The following SHQ1 variants were observed in gnomAD, a reference collection of about 807,000 sequenced individuals.
SHQ1 encodes SHQ1, H/ACA ribonucleoprotein assembly factor, also known as protein SHQ1 homolog.
SHQ1 carries 49 observed loss-of-function variants against 53.8 expected under a neutral mutation model. The observed-to-expected ratio is 0.91, with a 90% CI of 0.72 to 1.16. The LOEUF (loss-of-function observed/expected upper bound fraction) is 1.16. Ranked by LOEUF, SHQ1 falls within the 50% of genes most tolerant of loss-of-function variation. The probability of loss-of-function intolerance (pLI) is 0.00; values close to 1 mark genes in which losing one functional copy is unlikely to be tolerated. For missense variants in SHQ1, 738 were observed against 683.1 expected (o/e 1.08, Z -0.90); for synonymous variants, 243 against 251.0 (o/e 0.97, Z 0.30).
intron 10 of SHQ1, among the ~76,000 whole-genome samples, chr3:72,751,888 G>A (rs1004827588): frequency 1.3e-5 from 2 of 151,796 alleles, no homozygotes; most frequent in African/African-American, 4.8e-5. Flanking sequence ...TATATACCCT[G>A]GACCCAGCAA....
At chr3:72,794,881 A>C (rs1008318836) in intron 9 of SHQ1, 1 of 152,168 alleles carries the variant, frequency 6.6e-6, no homozygotes, top group African/African-American at 2.4e-5. Context: ...CAAAATGGGG[A>C]AAGTCCTCCC....
chr3:72,730,536 TCTG>T, the SHQ1 span, among the ~76,000 whole-genome samples: 2 of 152,198 alleles, frequency 1.3e-5, no homozygotes, highest in Non-Finnish European at 2.9e-5. Flanking sequence ...TTAAAATGCC[TCTG>T]CTGTAGGGCC....
intron 10 of SHQ1, among the ~76,000 whole-genome samples, chr3:72,771,689 C>T (rs534552341): frequency 6.6e-6 from 1 of 152,210 alleles, no homozygotes; most frequent in Non-Finnish European, 1.5e-5. Context: ...CAAAAAGAGA[C>T]CAAGATGGAC....
intron 5 of SHQ1, among the ~76,000 whole-genome samples, chr3:72,825,327 G>A (rs1344536610): frequency 1.3e-5 from 2 of 148,536 alleles, no homozygotes; most frequent in Non-Finnish European, 3.0e-5. Context: ...GGAAATTCAG[G>A]ATACTGCATC....
intron 5 of SHQ1, among the ~76,000 whole-genome samples, chr3:72,831,979 G>A (rs912542926): frequency 1.8e-4 from 27 of 152,122 alleles, no homozygotes; most frequent in African/African-American, 6.3e-4. Flanking sequence ...CAAGAAATGT[G>A]GTACAGGTAC....
chr3:72,845,167 T>C (rs1163290789), intron 1 of SHQ1, among the ~76,000 whole-genome samples: 1 of 152,208 alleles, frequency 6.6e-6, no homozygotes, highest in Non-Finnish European at 1.5e-5. Flanking sequence ...TGTAGGGATT[T>C]ACCCCTCTTT....
chr3:72,753,071 T>C, intron 10 of SHQ1: 2 of 985,386 alleles, frequency 2.0e-6, no homozygotes, highest in Non-Finnish European at 2.4e-6. Flanking sequence ...TTTTTGTTTC[T>C]AAAAGAACCA....
At chr3:72,755,948 G>A (rs1705489345) in intron 10 of SHQ1, among the ~76,000 whole-genome samples, 1 of 152,238 alleles carries the variant, frequency 6.6e-6, no homozygotes, top group East Asian at 1.9e-4. Flanking sequence ...CTGGGCTCTG[G>A]AGTGCAGTGG....
At chr3:72,818,855 G>C (rs1269916553) in intron 6 of SHQ1, among the ~76,000 whole-genome samples, 3 of 152,168 alleles carry the variant, frequency 2.0e-5, no homozygotes, top group Non-Finnish European at 2.9e-5. Flanking sequence ...AGATCTAAGA[G>C]TGGCCCCCAG....
chr3:72,816,957 TC>T (rs1257782787), intron 7 of SHQ1, among the ~76,000 whole-genome samples: 1 of 152,186 alleles, frequency 6.6e-6, no homozygotes, highest in Non-Finnish European at 1.5e-5. Flanking sequence ...AGAGTAGCCT[TC>T]CTCTCTACTC....
At chr3:72,837,588 A>T (rs965243641) in intron 4 of SHQ1, among the ~76,000 whole-genome samples, 25 of 152,242 alleles carry the variant, frequency 1.6e-4, no homozygotes, top group African/African-American at 5.8e-4. Flanking sequence ...CTGTATGGAC[A>T]TCTCTTCATC....
chr3:72,811,167 G>A (rs560872751), intron 9 of SHQ1, among the ~76,000 whole-genome samples: 1 of 152,108 alleles, frequency 6.6e-6, no homozygotes, highest in Non-Finnish European at 1.5e-5. Context: ...GCAATAGTCT[G>A]TATATGTGAG....
the SHQ1 span, among the ~76,000 whole-genome samples, chr3:72,733,355 A>G: frequency 1.8e-4 from 27 of 151,634 alleles, no homozygotes; most frequent in East Asian, 5.2e-3. Flanking sequence ...ACAGAACTCA[A>G]TTCAAAAAGC....
the SHQ1 span, among the ~76,000 whole-genome samples, chr3:72,742,521 C>T: frequency 3.3e-5 from 5 of 151,666 alleles, no homozygotes; most frequent in Non-Finnish European, 5.9e-5. Context: ...TTAAAAACTA[C>T]ATGTGTTTAC....
intron 9 of SHQ1, 27 bp from the exon 10 acceptor site, chr3:72,793,063 T>A: frequency 6.3e-7 from 1 of 1,576,782 alleles, no homozygotes; most frequent in Non-Finnish European, 8.6e-7. Context: ...AAACATAAAA[T>A]TATCCTTAAG....
intron 1 of SHQ1, 117 bp from the exon 2 acceptor site, chr3:72,844,540 T>C (rs1708273536): frequency 1.2e-6 from 1 of 805,144 alleles, no homozygotes; most frequent in African/African-American, 1.7e-5. Context: ...AAGAAGTTCC[T>C]CAGTATTTCT....
At chr3:72,762,025 T>G (rs1400890176) in intron 10 of SHQ1, among the ~76,000 whole-genome samples, 1 of 152,092 alleles carries the variant, frequency 6.6e-6, no homozygotes, top group East Asian at 1.9e-4. Context: ...GCTCCAGCAG[T>G]TTTTTTGAGG....
chr3:72,744,713 T>C (rs1357140847), downstream of SHQ1, among the ~76,000 whole-genome samples: 1 of 152,118 alleles, frequency 6.6e-6, no homozygotes, highest in Non-Finnish European at 1.5e-5. Context: ...TGAAACTATA[T>C]ATAACACACT....
intron 4 of SHQ1, among the ~76,000 whole-genome samples, chr3:72,839,810 G>A (rs1372835313): frequency 1.3e-5 from 2 of 152,078 alleles, no homozygotes; most frequent in African/African-American, 4.8e-5. Context: ...GCCCAGGCTG[G>A]AGTGCAGTGG....
Sources: allele counts gnomAD v4.1 joint callset (sites outside exome capture counted in the v4.1 genomes callset), GRCh38; gene constraint gnomAD v4.1.1; transcripts MANE v1.5; gene names NCBI Gene and HGNC (gene_info 2026-07-23, HGNC 2026-07-21).